GYS2: variants seen among roughly 807,000 people sequenced by gnomAD.
GYS2 encodes glycogen [starch] synthase, liver.
Under a neutral mutation model 85.6 loss-of-function variants are expected in GYS2, and 80 were observed. That is an observed-to-expected ratio of 0.93 (90% CI 0.78 to 1.13). The LOEUF (loss-of-function observed/expected upper bound fraction) is 1.13. Among genes scored for constraint, GYS2 ranks in the 50% most tolerant of loss-of-function variants. The pLI, the probability that GYS2 is intolerant of heterozygous loss-of-function variation, is 0.00. For synonymous variants in GYS2, 328 were observed against 300.7 expected (o/e 1.09, Z -0.94); for missense variants, 881 against 854.9 (o/e 1.03, Z -0.38).
intron 5 of GYS2, 91 bp downstream of exon 5, chr12:21,568,774 C>T (rs1397356397): frequency 2.6e-6 from 3 of 1,150,138 alleles, no homozygotes; most frequent in African/African-American, 1.5e-5. Flanking sequence ...GCAATTTTTC[C>T]TCAAACTACT....
At position 21,551,716 on chromosome 12, in the gene GYS2, C is replaced by T. The variant is rs1429527533; in HGVS notation, c.1423-5246G>A. On this transcript the variant is annotated intron_variant, in intron 11 of 15. Coordinates refer to ENST00000261195, the MANE Select transcript of GYS2 (RefSeq NM_021957.4). Reference sequence around the variant, plus strand: ...AAAAATGGCAAAGTAAAAGTGAATACAATATTTTCATTCATAGAACATGAT... The same window carrying T: ...AAAAATGGCAAAGTAAAAGTGAATATAATATTTTCATTCATAGAACATGAT... Among the ~76,000 whole-genome samples, 6 of 152,170 alleles carry T rather than the reference C, an allele frequency of 3.9e-5. No individual in the cohort carries two copies. The East Asian group carries it at 1.2e-3, about 29-fold the overall frequency.
downstream of GYS2, chr12:21,534,891 G>C (rs925466020): frequency 1.3e-5 from 2 of 152,274 alleles, no homozygotes; most frequent in African/African-American, 4.8e-5. Context: ...CTCCCAATAA[G>C]ACCATTTATC....
intron 10 of GYS2, among the ~76,000 whole-genome samples, chr12:21,558,644 G>A (rs1190151570): frequency 6.6e-6 from 1 of 152,144 alleles, no homozygotes; most frequent in African/African-American, 2.4e-5. Flanking sequence ...ATTTCTTTTA[G>A]CAAGGCTGTC....
chr12:21,583,658 A>G (rs1421999578), intron 1 of GYS2, among the ~76,000 whole-genome samples: 1 of 152,228 alleles, frequency 6.6e-6, no homozygotes, highest in Non-Finnish European at 1.5e-5. Context: ...CATCTTCTGC[A>G]GATAACTACT....
intron 11 of GYS2, among the ~76,000 whole-genome samples, chr12:21,557,557 C>T (rs766967526): frequency 4.6e-5 from 7 of 152,180 alleles, no homozygotes; most frequent in Non-Finnish European, 8.8e-5. Flanking sequence ...TTAATATCAA[C>T]GATTCTTTCA....
intron 11 of GYS2, among the ~76,000 whole-genome samples, chr12:21,550,314 A>AACACACACAC (rs10582787): frequency 4.8e-4 from 71 of 148,330 alleles, no homozygotes; most frequent in African/African-American, 1.7e-3. Flanking sequence ...AGACAGAAAG[A>AACACACACAC]ACACACACAC....
At chr12:21,544,688 A>T (rs945349196) in intron 12 of GYS2, among the ~76,000 whole-genome samples, 1 of 152,232 alleles carries the variant, frequency 6.6e-6, no homozygotes, top group Non-Finnish European at 1.5e-5. Flanking sequence ...AAGTAAGAAG[A>T]CACCACCTTC....
chr12:21,534,143 A>T (rs1291901936), downstream of GYS2, among the ~76,000 whole-genome samples: 1 of 152,160 alleles, frequency 6.6e-6, no homozygotes, highest in Non-Finnish European at 1.5e-5. Context: ...TTATGATGGG[A>T]TGAAAGCAAC....
chr12:21,568,847 T>C lies in GYS2; in HGVS notation c.823+18A>G, dbSNP rs749289740. On this transcript the variant is annotated intron_variant, in intron 5 of 15. Coordinates refer to ENST00000261195, the MANE Select transcript of GYS2 (RefSeq NM_021957.4). ...TCATTCGGAACTGAAAGATAGGTGA[T>C]CCAGGGATAATAATTACCAGGCTTT... The C allele has an allele frequency of 1.9e-6, 3 of 1,604,720 alleles. No individual in the cohort carries two copies. The highest frequency in any genetic ancestry group is 2.6e-6 in the Non-Finnish European group (3 of 1,171,552).
intron 12 of GYS2, among the ~76,000 whole-genome samples, chr12:21,544,916 A>G (rs1438908212): frequency 2.7e-5 from 4 of 145,618 alleles, no homozygotes; most frequent in Non-Finnish European, 4.6e-5. Context: ...CCTGCTGTAA[A>G]TAATACAGGA....
At chr12:21,570,809 A>G (rs1351184802) in intron 4 of GYS2, among the ~76,000 whole-genome samples, 2 of 152,198 alleles carry the variant, frequency 1.3e-5, no homozygotes, top group Non-Finnish European at 1.5e-5. Flanking sequence ...AAACAAGAAA[A>G]GCCACTCTGA....
intron 11 of GYS2, among the ~76,000 whole-genome samples, 157 bp downstream of exon 11, chr12:21,558,043 T>A (rs142337061): frequency 3.8e-4 from 58 of 152,350 alleles, no homozygotes; most frequent in Non-Finnish European, 8.1e-4. Context: ...ATATTCATTA[T>A]ACTTTAGTTA....
intron 11 of GYS2, among the ~76,000 whole-genome samples, 160 bp downstream of exon 11, chr12:21,558,040 T>C (rs1944204481): frequency 6.6e-6 from 1 of 152,214 alleles, no homozygotes; most frequent in African/African-American, 2.4e-5. Context: ...AAAATATTCA[T>C]TATACTTTAG....
intron 5 of GYS2, among the ~76,000 whole-genome samples, chr12:21,563,932 A>G (rs1944287445): frequency 6.6e-6 from 1 of 152,214 alleles, no homozygotes; most frequent in Non-Finnish European, 1.5e-5. Context: ...GAAAATTGGA[A>G]AAGGAAACCT....
At chr12:21,563,959 A>G (rs1944287661) in intron 5 of GYS2, among the ~76,000 whole-genome samples, 6 of 152,184 alleles carry the variant, frequency 3.9e-5, no homozygotes, top group Non-Finnish European at 1.5e-5. Flanking sequence ...TCTAATTTCT[A>G]TTCTTATTTC....
chr12:21,564,770 A>G (rs1343048475), intron 5 of GYS2, among the ~76,000 whole-genome samples: 1 of 152,164 alleles, frequency 6.6e-6, no homozygotes, highest in Non-Finnish European at 1.5e-5. Flanking sequence ...AGGCCCTATT[A>G]TATTTGATAT....
intron 1 of GYS2, among the ~76,000 whole-genome samples, chr12:21,591,029 A>G (rs1362110821): frequency 1.3e-5 from 2 of 152,234 alleles, no homozygotes; most frequent in African/African-American, 2.4e-5. Context: ...AGCAGCAATC[A>G]TTACACCAGA....
chr12:21,582,567 A>T (rs1944522379), intron 1 of GYS2, among the ~76,000 whole-genome samples: 1 of 149,040 alleles, frequency 6.7e-6, no homozygotes, highest in South Asian at 2.2e-4. Flanking sequence ...ACTCTCATAT[A>T]GATATAGATA....
chr12:21,552,407 A>C (rs1944122656), intron 11 of GYS2, among the ~76,000 whole-genome samples: 1 of 88,584 alleles, frequency 1.1e-5, no homozygotes, highest in South Asian at 4.8e-4. Flanking sequence ...ATTCATATCA[A>C]AAACTTATCA....
Sources: allele counts gnomAD v4.1 joint callset (sites outside exome capture counted in the v4.1 genomes callset), GRCh38; gene constraint gnomAD v4.1.1; transcripts MANE v1.5; gene names NCBI Gene and HGNC (gene_info 2026-07-23, HGNC 2026-07-21).